NOTCH1: variants seen among roughly 807,000 people sequenced by gnomAD.
NOTCH1 encodes the protein neurogenic locus notch homolog protein 1.
A neutral mutation model predicts 254.8 loss-of-function variants in NOTCH1; 37 were observed. The observed-to-expected ratio is 0.15, with a 90% CI of 0.11 to 0.19. The LOEUF (loss-of-function observed/expected upper bound fraction) is 0.19, where lower values mean the gene tolerates loss of function less well. Among genes scored for constraint, NOTCH1 ranks in the 10% least tolerant of loss-of-function variants. The pLI, the probability that NOTCH1 is intolerant of heterozygous loss-of-function variation, is 1.00. For synonymous variants in NOTCH1, 1,731 were observed against 1,618.1 expected (o/e 1.07, Z -1.68); for missense variants, 2,972 against 3,708.6 (o/e 0.80, Z 5.16).
intron 18 of NOTCH1, 73 bp downstream of exon 18, chr9:136,509,660 G>T (rs1332625263): frequency 1.4e-6 from 2 of 1,397,990 alleles, no homozygotes; most frequent in Non-Finnish European, 1.0e-6. Context: ...TGCATGGTGT[G>T]CCAGGCTGCC....
chr9:136,501,015 G>T (rs1842986841), intron 30 of NOTCH1, among the ~76,000 whole-genome samples, 168 bp from the exon 31 acceptor site: 1 of 152,220 alleles, frequency 6.6e-6, no homozygotes, highest in South Asian at 2.1e-4. Flanking sequence ...GTCCGCCTGG[G>T]CTGCTCAGTG....
chr9:136,535,490 G>C lies in NOTCH1; in HGVS notation c.140+8534C>G, dbSNP rs1032928827. Among the ~76,000 whole-genome samples the C allele has an allele frequency of 1.0e-4, 12 of 118,306 alleles. 1 individual carries two copies. In the South Asian group the frequency reaches 3.8e-3, roughly 38 times the overall value. The allele number at this position is 118,306 out of a possible 152,430, so 77.6% of individuals were successfully genotyped here. The stretch of plus-strand genomic sequence containing the variant: ...GGGGAGCACTCAGGATCCCTCCCAG[G>C]GGCAATGGGTGCAGGGTGGGAGTGG... On this transcript the variant is annotated intron_variant, in intron 2 of 33. Coordinates refer to ENST00000651671, the MANE Select transcript of NOTCH1 (RefSeq NM_017617.5).
intron 2 of NOTCH1, among the ~76,000 whole-genome samples, chr9:136,538,796 G>A (rs375104324): frequency 3.7e-4 from 57 of 152,342 alleles, no homozygotes; most frequent in African/African-American, 1.0e-3. Flanking sequence ...GGGCTTTTAC[G>A]AGGCTGGGTA....
At chr9:136,527,615 G>A (rs1304079087) in intron 2 of NOTCH1, among the ~76,000 whole-genome samples, 1 of 152,194 alleles carries the variant, frequency 6.6e-6, no homozygotes, top group African/African-American at 2.4e-5. Flanking sequence ...CTGGACGAGA[G>A]AGCTGCCCTG....
intron 18 of NOTCH1, 116 bp downstream of exon 18, chr9:136,509,617 G>A (rs938768558): frequency 2.3e-6 from 2 of 878,890 alleles, no homozygotes; most frequent in Admixed American, 2.0e-5. Context: ...AATGCAGCCA[G>A]CGCTAAGTGC....
In NOTCH1 at chr9:136,545,969, G is replaced by C. The variant is rs1169289979; in HGVS notation, c.-183C>G. Among the ~76,000 whole-genome samples the C allele has an allele frequency of 4.1e-5, 6 of 147,422 alleles. No individual in the cohort carries two copies. The highest frequency in any genetic ancestry group is 7.5e-5 in the Non-Finnish European group (5 of 66,394). On this transcript the variant is annotated 5_prime_UTR_variant, in exon 1 of 34. Coordinates refer to ENST00000651671, the MANE Select transcript of NOTCH1 (RefSeq NM_017617.5). This position sits in a 1 kb window ranked among gnomAD's most constrained non-coding sequence, Gnocchi z 6.8. ...CCGGGCCCGGCTCCGCGCCCGGCTCGTTCCTTCGCTGCGCTCGCGCCCGCG... is the reference window on the plus strand; with the variant it reads ...CCGGGCCCGGCTCCGCGCCCGGCTCCTTCCTTCGCTGCGCTCGCGCCCGCG...
chr9:136,523,489 C>T (rs925841665), intron 3 of NOTCH1, among the ~76,000 whole-genome samples: 3 of 152,174 alleles, frequency 2.0e-5, no homozygotes, highest in Non-Finnish European at 4.4e-5. Context: ...GACACAGAGG[C>T]TCCCCTTGTC....
chr9:136,519,602 G>T (rs775882365), intron 4 of NOTCH1, 37 bp from the exon 5 acceptor site: 1 of 1,612,212 alleles, frequency 6.2e-7, no homozygotes, highest in Non-Finnish European at 8.5e-7. Context: ...TCTTCCCTGA[G>T]GTCCAGTCCG....
rs2133329831 is a variant in NOTCH1 at position 136,502,026 on chromosome 9, T to C, written c.5447A>G (p.Glu1816Gly). 6.2e-7 allele frequency: 1 copy of C among 1,613,242 alleles called. No individual in the cohort carries two copies. Among genetic ancestry groups the C allele is most frequent in the Admixed American group, 1.7e-5 (1 of 60,020 alleles). Reference protein sequence around the residue: ...MDDNQNEWGDEDLETKKFRFE... With the variant: ...MDDNQNEWGDGDLETKKFRFE... ...CCGGAACTTCTTGGTCTCCAGGTCC[T>C]CGTCCCCCCACTCATTCTGGTTGTC... Residue 1816 changes from glutamate (E) to glycine (G), a missense_variant, in exon 29 of 34, where the codon GAG becomes GGG. Coordinates refer to ENST00000651671, the MANE Select transcript of NOTCH1 (RefSeq NM_017617.5).
chr9:136,538,138 C>T (rs1250869043), intron 2 of NOTCH1, among the ~76,000 whole-genome samples: 2 of 152,196 alleles, frequency 1.3e-5, no homozygotes, highest in African/African-American at 2.4e-5. Flanking sequence ...CCCAGAATCC[C>T]TCCATATACA....
chr9:136,504,619 G>A (rs1843047662), intron 26 of NOTCH1, 54 bp downstream of exon 26: 1 of 1,448,502 alleles, frequency 6.9e-7, no homozygotes, highest in Non-Finnish European at 9.1e-7. Context: ...GAGGCCGTCG[G>A]GGAGGGCCCA....
Position 136,513,317 on chromosome 9 carries a change from G to A in NOTCH1, c.2353+75C>T. 6.2e-7 allele frequency: 1 copy of A among 1,602,644 alleles called. No individual in the cohort carries two copies. On this transcript the variant is annotated intron_variant, in intron 14 of 33. Coordinates refer to ENST00000651671, the MANE Select transcript of NOTCH1 (RefSeq NM_017617.5). This position sits in a 1 kb window ranked among gnomAD's most constrained non-coding sequence, Gnocchi z 4.7. ...CCATGCATGGTGCTGGCTGGACCTG[G>A]GTCCCGATCCTGTGTCTCCAGCTCC... is the stretch of plus-strand genomic sequence containing the variant.
At chr9:136,518,060 GC>G in intron 7 of NOTCH1, 76 bp downstream of exon 7, 1 of 1,549,624 alleles carries the variant, frequency 6.5e-7, no homozygotes, top group Non-Finnish European at 8.7e-7. Flanking sequence ...ACCCCCTGAA[GC>G]CAGAATCGAC....
intron 4 of NOTCH1, among the ~76,000 whole-genome samples, chr9:136,521,961 TTC>T (rs1843372499): frequency 6.6e-6 from 1 of 152,000 alleles, no homozygotes; most frequent in Non-Finnish European, 1.5e-5. Flanking sequence ...ATTGGAGGTT[TTC>T]TTTTTTCTCT....
intron 2 of NOTCH1, among the ~76,000 whole-genome samples, chr9:136,524,400 G>C (rs1226659630): frequency 6.6e-6 from 1 of 152,240 alleles, no homozygotes; most frequent in Admixed American, 6.5e-5. Context: ...CACAGCCCGG[G>C]CAGGGGTCTG....
intron 16 of NOTCH1, 92 bp downstream of exon 16, chr9:136,511,060 A>T: frequency 1.3e-6 from 2 of 1,590,898 alleles, no homozygotes; most frequent in South Asian, 1.1e-5. Context: ...GCTCCTCTTC[A>T]AAGACTCATC....
rs188014209 is a variant in NOTCH1 at position 136,517,896 on chromosome 9, G to C, written c.1297C>G (p.Leu433Val). 2 of 1,612,230 alleles carry C rather than the reference G, an allele frequency of 1.2e-6. No individual in the cohort carries two copies. Among genetic ancestry groups the C allele is most frequent in the Non-Finnish European group, 1.7e-6 (2 of 1,179,916 alleles). The change falls in exon 8 of 34, where the codon CTG becomes GTG. Residue 433 changes from leucine (L) to valine (V), a missense_variant. Coordinates refer to ENST00000651671, the MANE Select transcript of NOTCH1 (RefSeq NM_017617.5). The stretch of plus-strand genomic sequence containing the variant: ...AGACACTGGCACTCGAAGGAGCCCA[G>C]CGTGTTGATGCACTTGCCCGCATGC... ...CEHAGKCINT[L>V]GSFECQCLQG...
chr9:136,499,486 T>G (rs965740273), intron 31 of NOTCH1, among the ~76,000 whole-genome samples: 1 of 152,206 alleles, frequency 6.6e-6, no homozygotes, highest in Non-Finnish European at 1.5e-5. Context: ...TTGGTGACAG[T>G]GGGATCCATC....
rs1481510110 is a variant in NOTCH1 at position 136,496,248 on chromosome 9, G to A, written c.7491C>T (p.Thr2497=). 1.9e-6 allele frequency: 3 copies of A among 1,604,392 alleles called. No individual in the cohort carries two copies. Among genetic ancestry groups the A allele is most frequent in the African/African-American group, 2.7e-5 (2 of 74,838 alleles). ...CAGGCACCTGTAGCTGGTGGCTGGGGGTGTTGTCCACAGGCGAGGAGTAGC... is the reference window on the plus strand; with the variant it reads ...CAGGCACCTGTAGCTGGTGGCTGGGAGTGTTGTCCACAGGCGAGGAGTAGC... ...QHSYSSPVDN[T]PSHQLQVPEH... is the part of the protein sequence containing the mutation. The change falls in exon 34 of 34, where the codon ACC becomes ACT. Residue 2497 remains threonine, a synonymous_variant. Transcript: ENST00000651671.
Sources: allele counts gnomAD v4.1 joint callset (sites outside exome capture counted in the v4.1 genomes callset), GRCh38; gene constraint gnomAD v4.1.1; non-coding constraint Gnocchi (gnomAD v3.1); transcripts MANE v1.5; gene names NCBI Gene and HGNC (gene_info 2026-07-23, HGNC 2026-07-21).